The following PLA1A variants were observed in gnomAD, a reference collection of about 807,000 sequenced individuals.
The protein encoded by PLA1A is phospholipase A1 member A.
Under a neutral mutation model 49.4 loss-of-function variants are expected in PLA1A, and 47 were observed. That is an observed-to-expected ratio of 0.95 (90% CI 0.75 to 1.21). PLA1A has a LOEUF of 1.21. PLA1A is among the 50% of genes most tolerant of loss of function. The probability of loss-of-function intolerance (pLI) is 0.00; values close to 1 mark genes in which losing one functional copy is unlikely to be tolerated. For synonymous variants in PLA1A, 224 were observed against 207.9 expected (o/e 1.08, Z -0.67); for missense variants, 561 against 563.9 (o/e 0.99, Z 0.05).
chr3:119,629,552 T>C lies in PLA1A; in HGVS notation c.*84T>C, dbSNP rs1577160221. ...TGATGAGGGATGTGTGTGTGCAGCT[T>C]ATTGTAGACCATTACTACTAAGGAG... On this transcript the variant is annotated 3_prime_UTR_variant, in exon 11 of 11. Coordinates refer to ENST00000273371, the MANE Select transcript of PLA1A (RefSeq NM_015900.4). 1.3e-6 allele frequency: 1 copy of C among 775,490 alleles called. No homozygotes were observed. Among genetic ancestry groups the C allele is most frequent in the East Asian group, 2.4e-5 (1 of 41,062 alleles). The allele number at this position is 775,490 out of a possible 1,614,324, so 48.0% of individuals were successfully genotyped here.
intron 4 of PLA1A, among the ~76,000 whole-genome samples, chr3:119,611,563 A>ATC (rs2082764918): frequency 6.6e-6 from 1 of 151,566 alleles, no homozygotes; most frequent in African/African-American, 2.4e-5. Context: ...CCTTGTACAG[A>ATC]TCTTTTGCTG....
In PLA1A at chr3:119,597,974, G is replaced by C; in HGVS notation, c.61G>C (p.Val21Leu). Residue 21 changes from valine (V) to leucine (L), a missense_variant, in exon 1 of 11, where the codon GTT becomes CTT. Physicochemically the swap from Val to Leu is conservative, Grantham distance 32. Transcript: ENST00000273371. ...WVGGLILWLS[V>L]GSSGDAPPTP... ...GGGGGGCCTCATTTTGTGGCTCAGC[G>C]TTGGAAGTTCAGGTAAGCCAGGGCT... The C allele has an allele frequency of 3.7e-6, 6 of 1,606,916 alleles. No individual in the cohort carries two copies. The highest frequency in any genetic ancestry group is 2.2e-5 in the East Asian group (1 of 44,750).
rs1333859708 is a variant in PLA1A at position 119,628,799 on chromosome 3, T to C, written c.1220T>C (p.Val407Ala). The C allele has an allele frequency of 1.9e-6, 3 of 1,613,530 alleles. No individual in the cohort carries two copies. Among genetic ancestry groups the C allele is most frequent in the African/African-American group, 2.7e-5 (2 of 74,842 alleles). The change falls in exon 10 of 11, where the codon GTT (valine) becomes GCT (alanine). Residue 407 changes from valine (V) to alanine (A), a missense_variant. Transcript: ENST00000273371. The stretch of plus-strand genomic sequence containing the variant: ...TTCAAGTTTCAGTCTTCCAACCGAG[T>C]TTGGAAAAAAGACCGGACTACCATT... Reference protein sequence around the residue: ...VKFKFQSSNRVWKKDRTTIIG... With the variant: ...VKFKFQSSNRAWKKDRTTIIG...
chr3:119,616,852 A>G (rs1483740765), intron 6 of PLA1A, among the ~76,000 whole-genome samples: 1 of 152,240 alleles, frequency 6.6e-6, no homozygotes, highest in Non-Finnish European at 1.5e-5. Flanking sequence ...TGGCTTTTGA[A>G]GATTTGGTGG....
rs1424235103 is a variant in PLA1A, at chr3:119,629,505, T to A, written c.*37T>A. The A allele has an allele frequency of 8.3e-7, 1 of 1,203,286 alleles. No homozygotes were observed. The highest frequency in any genetic ancestry group is 1.6e-5 in the African/African-American group (1 of 64,226). 74.5% of individuals were successfully genotyped at this position (1,203,286 alleles called of 1,614,324 possible). On this transcript the variant is annotated 3_prime_UTR_variant, in exon 11 of 11. Coordinates refer to ENST00000273371, the MANE Select transcript of PLA1A (RefSeq NM_015900.4). ...CAGGACACATCTCCCTGCATTTTTT[T>A]TTTTTTTTTGAGAGAGAGGTGTGAT...
At chr3:119,600,279 C>A in intron 1 of PLA1A, 1 of 657,602 alleles carries the variant, frequency 1.5e-6, no homozygotes, top group Non-Finnish European at 2.7e-6. Flanking sequence ...CCAGTCACAC[C>A]TAGTTTTTCC....
intron 9 of PLA1A, 122 bp downstream of exon 9, chr3:119,625,354 T>G: frequency 4.7e-6 from 3 of 638,898 alleles, no homozygotes; most frequent in Non-Finnish European, 8.5e-6. Flanking sequence ...CCAGCCGGCT[T>G]GGCTGGGGGC....
rs2082895682 is a variant in PLA1A, at chr3:119,619,310, T to G, written c.923-253T>G. On this transcript the variant is annotated intron_variant, in intron 7 of 10. Coordinates refer to ENST00000273371, the MANE Select transcript of PLA1A (RefSeq NM_015900.4). ...AGTTAGAGACAGATTAGTGTCAGAT[T>G]TCTTATAATAACCTGCCAAGAATGA... Among the ~76,000 whole-genome samples the G allele has an allele frequency of 2.0e-5, 3 of 152,208 alleles. No homozygotes were observed. The South Asian group carries it at 6.2e-4, about 32-fold the overall frequency.
intron 1 of PLA1A, chr3:119,600,423 T>C (rs1161369203): frequency 4.3e-6 from 3 of 702,860 alleles, no homozygotes; most frequent in Non-Finnish European, 7.8e-6. Flanking sequence ...TCTTTCTTTG[T>C]GTTCTCTCAG....
chr3:119,602,788 G>A (rs2082634498), intron 1 of PLA1A, among the ~76,000 whole-genome samples: 1 of 152,150 alleles, frequency 6.6e-6, no homozygotes, highest in African/African-American at 2.4e-5. Context: ...AAATAGACCA[G>A]GGTAAGGATG....
Position 119,608,887 on chromosome 3 carries a change from A to T in PLA1A, c.393A>T (p.Ser131=). Residue 131 remains serine (S), a synonymous_variant, in exon 3 of 11, where the codon TCA becomes TCT. Coordinates refer to ENST00000273371, the MANE Select transcript of PLA1A (RefSeq NM_015900.4). The part of the protein sequence containing the change: ...WIYGSTGVYF[S]AVKNVIKLSL... ...ATGGGTCTACAGGAGTCTACTTCTC[A>T]GCTGTGAAAAATGTGATTAAGTTGA... 1.2e-6 allele frequency: 2 copies of T among 1,614,080 alleles called. No individual in the cohort carries two copies. The highest frequency in any genetic ancestry group is 1.7e-6 in the Non-Finnish European group (2 of 1,179,938).
intron 1 of PLA1A, among the ~76,000 whole-genome samples, chr3:119,602,835 C>T (rs912949951): frequency 6.6e-6 from 1 of 152,064 alleles, no homozygotes; most frequent in Non-Finnish European, 1.5e-5. Context: ...AAGCAGGTTA[C>T]AACTGAAATA....
intron 8 of PLA1A, among the ~76,000 whole-genome samples, chr3:119,623,249 C>T (rs1359119215): frequency 1.3e-5 from 2 of 152,148 alleles, no homozygotes; most frequent in East Asian, 3.8e-4. Context: ...TCAGGTGATC[C>T]TCCCACCTCA....
At chr3:119,627,534 C>T (rs928718366) in intron 9 of PLA1A, among the ~76,000 whole-genome samples, 3 of 152,198 alleles carry the variant, frequency 2.0e-5, no homozygotes, top group Non-Finnish European at 4.4e-5. Context: ...ATGACTAACA[C>T]TGGACTAAAA....
chr3:119,629,573 A>T lies in PLA1A; in HGVS notation c.*105A>T. 1 of 688,872 alleles carries T rather than the reference A, an allele frequency of 1.5e-6. No homozygotes were observed. Among genetic ancestry groups the T allele is most frequent in the Non-Finnish European group, 2.6e-6 (1 of 382,638 alleles). 42.7% of individuals were successfully genotyped at this position (688,872 alleles called of 1,614,324 possible). A position where few individuals can be genotyped will look rare whatever the true frequency, so the allele number is the denominator to read the frequency against. On this transcript the variant is annotated 3_prime_UTR_variant, in exon 11 of 11. Transcript: ENST00000273371. Reference sequence around the variant, plus strand: ...AGCTTATTGTAGACCATTACTACTAAGGAGAAAAGCAAAGCTCTTTCTTAT... The same window carrying T: ...AGCTTATTGTAGACCATTACTACTATGGAGAAAAGCAAAGCTCTTTCTTAT...
At chr3:119,619,459 C>T (rs761567863) in intron 7 of PLA1A, 104 bp from the exon 8 acceptor site, 165 of 716,438 alleles carry the variant, frequency 2.3e-4, no homozygotes, top group Non-Finnish European at 3.6e-4. Context: ...TGTAGATGTC[C>T]GTGGAATAAA....
intron 1 of PLA1A, among the ~76,000 whole-genome samples, chr3:119,606,188 C>T (rs2082685617): frequency 1.3e-5 from 2 of 152,194 alleles, no homozygotes; most frequent in South Asian, 4.1e-4. Context: ...ATTCTGGAGG[C>T]TGGAAGTCTG....
chr3:119,618,106 C>T lies in PLA1A; in HGVS notation c.842C>T (p.Pro281Leu), dbSNP rs111929583. The T allele has an allele frequency of 6.2e-7, 1 of 1,614,022 alleles. No homozygotes were observed. Among genetic ancestry groups the T allele is most frequent in the East Asian group, 2.2e-5 (1 of 44,870 alleles). The part of the protein sequence containing the change: ...LENSCPLMAF[P>L]CASYKAFLAG... ...AATTCCTGTCCACTGATGGCCTTTC[C>T]CTGTGCCAGCTACAAGGCCTTCCTT... The change falls in exon 7 of 11, where the codon CCC (proline) becomes CTC (leucine). Residue 281 changes from proline to leucine, a missense_variant. Physicochemically the swap from Pro to Leu is moderately conservative, Grantham distance 98. Coordinates refer to ENST00000273371, the MANE Select transcript of PLA1A (RefSeq NM_015900.4).
At chr3:119,617,053 C>T (rs2082857612) in intron 6 of PLA1A, among the ~76,000 whole-genome samples, 1 of 152,186 alleles carries the variant, frequency 6.6e-6, no homozygotes, top group African/African-American at 2.4e-5. Flanking sequence ...TCTCAAGGTG[C>T]AGGGAGAGTT....
Sources: allele counts gnomAD v4.1 joint callset (sites outside exome capture counted in the v4.1 genomes callset), GRCh38; gene constraint gnomAD v4.1.1; transcripts MANE v1.5; gene names NCBI Gene and HGNC (gene_info 2026-07-23, HGNC 2026-07-21).